CLCA2: variants seen among roughly 807,000 people sequenced by gnomAD.
CLCA2 encodes the protein chloride channel accessory 2.
CLCA2 carries 85 observed loss-of-function variants against 82.9 expected under a neutral mutation model. That is an observed-to-expected ratio of 1.03 (90% CI 0.86 to 1.23). The LOEUF is 1.23. Ranked by LOEUF, CLCA2 falls within the 50% of genes most tolerant of loss-of-function variation. The pLI is 0.00. For missense variants in CLCA2, 1,089 were observed against 1,124.8 expected, an observed-to-expected ratio of 0.97 and a Z score of 0.45; for synonymous variants, 421 against 391.7, an observed-to-expected ratio of 1.07 and a Z score of -0.88.
rs753970295 is a variant in CLCA2 at position 86,438,876 on chromosome 1, G to C, written c.973G>C (p.Ala325Pro). ...VLDVSSKMAE[A>P]DRLLQLQQAA... ...TTCTTTTTTCCTTTTTGGGACATAGGCTGACAGACTCCTTCAACTACAACA... is the reference window on the plus strand; with the variant it reads ...TTCTTTTTTCCTTTTTGGGACATAGCCTGACAGACTCCTTCAACTACAACA... Residue 325 changes from alanine (A) to proline (P), a missense_variant and splice_region_variant, in exon 7 of 14, where the codon GCT (alanine) becomes CCT (proline). Coordinates refer to ENST00000370565, the MANE Select transcript of CLCA2 (RefSeq NM_006536.7). 6.2e-7 allele frequency: 1 copy of C among 1,613,566 alleles called. No homozygotes were observed. The highest frequency in any genetic ancestry group is 1.1e-5 in the South Asian group (1 of 91,074).
chr1:86,434,648 A>G lies in CLCA2; in HGVS notation c.875A>G (p.Asn292Ser). 1 of 1,614,088 alleles carries G rather than the reference A, an allele frequency of 6.2e-7. No individual in the cohort carries two copies. The highest frequency in any genetic ancestry group is 8.5e-7 in the Non-Finnish European group (1 of 1,179,984). ...SADFHHSFPM[N>S]GTELPPPPTF... ...GACTTTCACCACAGCTTTCCCATGAATGGGACTGAGCTTCCACCTCCTCCC... is the reference window on the plus strand; with the variant it reads ...GACTTTCACCACAGCTTTCCCATGAGTGGGACTGAGCTTCCACCTCCTCCC... Residue 292 changes from asparagine to serine, a missense_variant, in exon 6 of 14, where the codon AAT becomes AGT. Coordinates refer to ENST00000370565, the MANE Select transcript of CLCA2 (RefSeq NM_006536.7).
intron 6 of CLCA2, among the ~76,000 whole-genome samples, chr1:86,437,301 C>T (rs1281884059): frequency 1.3e-5 from 2 of 152,092 alleles, no homozygotes; most frequent in African/African-American, 4.8e-5. Context: ...CTTTGAAATG[C>T]TTATAGCTAA....
rs747159433 is a variant in CLCA2, at chr1:86,455,544, T to C, written c.*17T>C. 13 of 1,439,498 alleles carry C rather than the reference T, an allele frequency of 9.0e-6. No homozygotes were observed. Among genetic ancestry groups the C allele is most frequent in the Non-Finnish European group, 1.2e-5 (13 of 1,090,582 alleles). 89.2% of individuals were successfully genotyped at this position (1,439,498 alleles called of 1,614,324 possible). On this transcript the variant is annotated 3_prime_UTR_variant, in exon 14 of 14. Coordinates refer to ENST00000370565, the MANE Select transcript of CLCA2 (RefSeq NM_006536.7). ...TTATTATAAATAAATATCCAAAGTGTCTTCCTTCTTAGATATAAGACCCAT... is the reference window on the plus strand; with the variant it reads ...TTATTATAAATAAATATCCAAAGTGCCTTCCTTCTTAGATATAAGACCCAT...
At chr1:86,443,311 G>A (rs1662775923) in intron 9 of CLCA2, among the ~76,000 whole-genome samples, 6 of 152,212 alleles carry the variant, frequency 3.9e-5, no homozygotes, top group Admixed American at 3.9e-4. Context: ...TTACAGGCAT[G>A]AGCCACTGTG....
intron 10 of CLCA2, among the ~76,000 whole-genome samples, chr1:86,444,901 T>C (rs1662817686): frequency 6.6e-6 from 1 of 151,716 alleles, no homozygotes; most frequent in Admixed American, 6.6e-5. Context: ...GTTGTTGTTG[T>C]TGTTGTTGTT....
chr1:86,444,812 A>G (rs1161098480), intron 10 of CLCA2, among the ~76,000 whole-genome samples: 3 of 152,162 alleles, frequency 2.0e-5, no homozygotes, highest in Non-Finnish European at 4.4e-5. Context: ...GAGAACTGTA[A>G]GTTGATCAGA....
At chr1:86,433,021 A>G (rs1662531626) in intron 5 of CLCA2, among the ~76,000 whole-genome samples, 1 of 152,226 alleles carries the variant, frequency 6.6e-6, no homozygotes, top group Admixed American at 6.5e-5. Context: ...TTCCATGCTA[A>G]CTAACTGACA....
chr1:86,432,980 T>C (rs1662530952), intron 5 of CLCA2, among the ~76,000 whole-genome samples: 1 of 152,226 alleles, frequency 6.6e-6, no homozygotes, highest in Non-Finnish European at 1.5e-5. Context: ...GTCAACCAAC[T>C]CTGCTTTGCA....
rs572565439 is a variant in CLCA2 at position 86,440,316 on chromosome 1, C to G, written c.1372C>G (p.Arg458Gly). Residue 458 changes from arginine to glycine, a missense_variant, in exon 8 of 14, where the codon CGT becomes GGT. Arg to Gly is a moderately radical substitution (Grantham distance 125). Transcript: ENST00000370565. ...SAAPNLEELSRLTGGLKFFVP... is the reference protein window; with the variant it reads ...SAAPNLEELSGLTGGLKFFVP... ...AGCCCCAAATCTGGAGGAATTATCA[C>G]GTCTTACAGGTAATAAACTTTTAAA... 7.4e-6 allele frequency: 12 copies of G among 1,613,562 alleles called. No individual in the cohort carries two copies. The highest frequency in any genetic ancestry group is 6.7e-5 in the Admixed American group (4 of 59,924).
At chr1:86,431,337 G>A (rs12406320) in intron 4 of CLCA2, among the ~76,000 whole-genome samples, 42,711 of 151,424 alleles carry the variant, frequency 0.28, 6,571 homozygotes, top group Non-Finnish European at 0.34. Flanking sequence ...GTTTTTCCTC[G>A]CTCTGTGTTT....
At chr1:86,432,613 A>G in intron 5 of CLCA2, 85 bp downstream of exon 5, 4 of 1,482,556 alleles carry the variant, frequency 2.7e-6, no homozygotes, top group Non-Finnish European at 3.6e-6. Flanking sequence ...GATAATTAAG[A>G]TGCACTATAC....
intron 11 of CLCA2, among the ~76,000 whole-genome samples, chr1:86,450,341 T>A (rs113107121): frequency 6.8e-4 from 103 of 152,276 alleles, no homozygotes; most frequent in African/African-American, 2.4e-3. Flanking sequence ...ATGGTACAAC[T>A]TATTCACCTT....
intron 6 of CLCA2, among the ~76,000 whole-genome samples, chr1:86,436,141 C>T (rs1454072985): frequency 6.6e-6 from 1 of 152,202 alleles, no homozygotes; most frequent in Non-Finnish European, 1.5e-5. Flanking sequence ...CTATCTGGCC[C>T]TTCACAGAAA....
chr1:86,426,289 G>GT (rs1432246204), intron 2 of CLCA2, among the ~76,000 whole-genome samples: 2 of 152,146 alleles, frequency 1.3e-5, no homozygotes. Context: ...GTTTGAGATT[G>GT]TAACTACATC....
chr1:86,428,349 T>C lies in CLCA2; in HGVS notation c.325-69T>C. ...AAGTGTACAGTTCAAAGTGCTTTAA[T>C]GAATGTATACATTTATGTCACCAAC... On this transcript the variant is annotated intron_variant, in intron 2 of 13. Coordinates refer to ENST00000370565, the MANE Select transcript of CLCA2 (RefSeq NM_006536.7). 6 of 1,429,472 alleles carry C rather than the reference T, an allele frequency of 4.2e-6. No homozygotes were observed. In the South Asian group the frequency reaches 8.7e-5, roughly 21 times the overall value. The allele number at this position is 1,429,472 out of a possible 1,614,324, so 88.5% of individuals were successfully genotyped here. A position where few individuals can be genotyped will look rare whatever the true frequency, so the allele number is the denominator to read the frequency against.
In CLCA2 at chr1:86,443,776, C is replaced by T. The variant is rs368273131; in HGVS notation, c.1489-11C>T. The T allele has an allele frequency of 2.0e-5, 32 of 1,603,732 alleles. No individual in the cohort carries two copies. The highest frequency in any genetic ancestry group is 2.6e-5 in the Non-Finnish European group (31 of 1,171,548). On this transcript the variant is annotated splice_polypyrimidine_tract_variant and intron_variant, in intron 9 of 13. Transcript: ENST00000370565. ...CACCAGAAACTCTCATATATATCTT[C>T]TCTTTAACAGCTTGAAAGTACAGGT...
At chr1:86,452,912 C>T (rs1038711618) in intron 12 of CLCA2, among the ~76,000 whole-genome samples, 1 of 152,192 alleles carries the variant, frequency 6.6e-6, no homozygotes, top group South Asian at 2.1e-4. Flanking sequence ...CAGTGGCTCA[C>T]TCCTGTAATC....
At chr1:86,430,556 G>T (rs749184760) in intron 3 of CLCA2, among the ~76,000 whole-genome samples, 1 of 152,170 alleles carries the variant, frequency 6.6e-6, no homozygotes, top group Non-Finnish European at 1.5e-5. Context: ...CTGTTGGGCA[G>T]CTTCACTGGG....
intron 8 of CLCA2, among the ~76,000 whole-genome samples, chr1:86,440,920 T>C (rs1004859337): frequency 3.3e-5 from 5 of 152,050 alleles, no homozygotes; most frequent in African/African-American, 7.2e-5. Flanking sequence ...AAAGATTAAA[T>C]GCACTAACTT....
Sources: gnomAD v4.1 joint callset for allele counts (sites outside exome capture counted in the v4.1 genomes callset) on GRCh38, gnomAD v4.1.1 for gene constraint, MANE v1.5 for transcripts, NCBI Gene and HGNC (gene_info 2026-07-23, HGNC 2026-07-21) for gene names.